FAM13A: variants seen among roughly 807,000 people sequenced by gnomAD.
FAM13A encodes the protein family with sequence similarity 13 member A.
Under a neutral mutation model 129.6 loss-of-function variants are expected in FAM13A, and 76 were observed. The ratio of observed to expected loss-of-function variants is 0.59; its 90% CI spans 0.49 to 0.71. The LOEUF (loss-of-function observed/expected upper bound fraction) is 0.71. Ranked by LOEUF, FAM13A falls within the 30% of genes least tolerant of loss-of-function variation. The pLI is 0.00. For missense variants in FAM13A, 1,108 were observed against 1,249.3 expected (o/e 0.89, Z 1.70); for synonymous variants, 443 against 449.9 (o/e 0.98, Z 0.20).
intron 6 of FAM13A, among the ~76,000 whole-genome samples, chr4:88,865,297 A>G (rs1418309177): frequency 6.6e-6 from 1 of 152,226 alleles, no homozygotes; most frequent in Non-Finnish European, 1.5e-5. Context: ...TAATTAAAGG[A>G]ATTTTAAGCA....
chr4:88,866,206 C>T (rs1221010139), intron 6 of FAM13A, among the ~76,000 whole-genome samples: 3 of 152,072 alleles, frequency 2.0e-5, no homozygotes, highest in South Asian at 4.1e-4. Flanking sequence ...GCCACCATGG[C>T]CCAGCTAATT....
intron 1 of FAM13A, among the ~76,000 whole-genome samples, chr4:89,036,462 A>G (rs1248658790): frequency 6.6e-6 from 1 of 152,216 alleles, no homozygotes; most frequent in Non-Finnish European, 1.5e-5. Flanking sequence ...ATTATCTGAA[A>G]CTTGAACTTA....
At chr4:89,028,628 T>C (rs1423842128) in intron 2 of FAM13A, among the ~76,000 whole-genome samples, 1 of 151,950 alleles carries the variant, frequency 6.6e-6, no homozygotes, top group Non-Finnish European at 1.5e-5. Context: ...AAGTATGAGA[T>C]TACAGTGAGC....
chr4:88,938,803 C>T (rs527328159), intron 4 of FAM13A, among the ~76,000 whole-genome samples: 67 of 152,154 alleles, frequency 4.4e-4, no homozygotes, highest in Middle Eastern at 3.4e-3. Context: ...TATCTGAATA[C>T]AGAATATCCC....
chr4:88,801,551 A>C (rs1287989180), intron 8 of FAM13A, among the ~76,000 whole-genome samples: 1 of 152,194 alleles, frequency 6.6e-6, no homozygotes, highest in African/African-American at 2.4e-5. Context: ...AAAGAGAGGA[A>C]GATCAGTGCA....
intron 6 of FAM13A, among the ~76,000 whole-genome samples, chr4:88,878,942 C>A (rs1451453448): frequency 5.3e-5 from 8 of 152,220 alleles, no homozygotes; most frequent in Non-Finnish European, 1.0e-4. Context: ...GGATATCCTA[C>A]TAAAGTCTAT....
At chr4:88,998,249 G>T (rs954884307) in intron 3 of FAM13A, among the ~76,000 whole-genome samples, 1 of 152,138 alleles carries the variant, frequency 6.6e-6, no homozygotes, top group Non-Finnish European at 1.5e-5. Context: ...TAAGTTCATG[G>T]TAATCTGTTA....
At chr4:88,937,309 A>C (rs1222751815) in intron 5 of FAM13A, 4 of 152,188 alleles carry the variant, frequency 2.6e-5, no homozygotes, top group Non-Finnish European at 5.9e-5. Context: ...GAATCAGCAA[A>C]GAGTATGTTA....
At chr4:88,865,828 C>A (rs147093980) in intron 6 of FAM13A, among the ~76,000 whole-genome samples, 23 of 151,744 alleles carry the variant, frequency 1.5e-4, no homozygotes, top group African/African-American at 5.3e-4. Flanking sequence ...TTTGTGCTCA[C>A]CCAAATTCTA....
chr4:88,963,123 T>C (rs1758857781), intron 4 of FAM13A, among the ~76,000 whole-genome samples: 1 of 152,128 alleles, frequency 6.6e-6, no homozygotes, highest in Admixed American at 6.5e-5. Context: ...AAACTAATGT[T>C]ACTTAAAAAA....
intron 4 of FAM13A, among the ~76,000 whole-genome samples, chr4:88,986,838 C>G (rs867233749): frequency 6.6e-6 from 1 of 152,268 alleles, no homozygotes; most frequent in African/African-American, 2.4e-5. Context: ...AAATTAAACT[C>G]AAAATATCAA....
Position 88,899,113 on chromosome 4 carries a change from C to CAT in FAM13A, c.843+7264_843+7265dup, listed in dbSNP as rs34576455. Reference sequence around the variant, plus strand: ...GTATGTATATATACACACACACATACATATATATATATACATACATACGTA... The same window carrying CAT: ...GTATGTATATATACACACACACATACATATATATATATATACATACATACGTA... On this transcript the variant is annotated intron_variant, in intron 6 of 23. Transcript: ENST00000264344. Among the ~76,000 whole-genome samples the CAT allele has an allele frequency of 4.4e-3, 667 of 150,444 alleles. 3 individuals carry two copies. The highest frequency in any genetic ancestry group is 0.015 in the African/African-American group (606 of 40,850).
intron 6 of FAM13A, among the ~76,000 whole-genome samples, chr4:88,867,141 C>A (rs1740596252): frequency 6.6e-6 from 1 of 152,178 alleles, no homozygotes; most frequent in Admixed American, 6.5e-5. Flanking sequence ...ATGATCAAGA[C>A]ATAATGTTGT....
chr4:89,011,444 T>C (rs888436444), intron 3 of FAM13A, among the ~76,000 whole-genome samples: 2 of 152,228 alleles, frequency 1.3e-5, no homozygotes, highest in Admixed American at 6.5e-5. Context: ...GACTATGACC[T>C]AGATTTCTGT....
chr4:88,818,400 A>G (rs1346503034), intron 7 of FAM13A, among the ~76,000 whole-genome samples: 3 of 152,176 alleles, frequency 2.0e-5, no homozygotes, highest in Non-Finnish European at 4.4e-5. Context: ...TCAAATTCAT[A>G]TATGGCCAGC....
rs370434001 is a variant in FAM13A at position 88,887,954 on chromosome 4, G to A, written c.843+18425C>T. 1.1e-4 allele frequency among the ~76,000 whole-genome samples: 16 copies of A among 152,212 alleles called. No homozygotes were observed. The South Asian group carries it at 2.7e-3, about 26-fold the overall frequency. On this transcript the variant is annotated intron_variant, in intron 6 of 23. Transcript: ENST00000264344. The stretch of plus-strand genomic sequence containing the variant: ...TGATTTTGTTTAGTAAATTTTGTCA[G>A]ACAGCAAGGCAATCTTTATGCAAGA...
intron 6 of FAM13A, among the ~76,000 whole-genome samples, chr4:88,853,866 T>C (rs1016257136): frequency 2.6e-5 from 4 of 152,200 alleles, no homozygotes; most frequent in African/African-American, 7.2e-5. Flanking sequence ...TGTTCAAGCC[T>C]CCATCTTTCT....
chr4:88,949,973 G>A (rs1188393266), intron 4 of FAM13A, among the ~76,000 whole-genome samples: 1 of 151,972 alleles, frequency 6.6e-6, no homozygotes, highest in Non-Finnish European at 1.5e-5. Context: ...TCAATATTTT[G>A]GATACGTTGG....
At chr4:88,965,038 TCA>T (rs2148929036) in intron 4 of FAM13A, among the ~76,000 whole-genome samples, 1 of 152,298 alleles carries the variant, frequency 6.6e-6, no homozygotes, top group South Asian at 2.1e-4. Context: ...GGGGGGAAAA[TCA>T]CACAGTACAA....
Sources: gnomAD v4.1 joint callset for allele counts (sites outside exome capture counted in the v4.1 genomes callset) on GRCh38, gnomAD v4.1.1 for gene constraint, MANE v1.5 for transcripts, NCBI Gene and HGNC (gene_info 2026-07-23, HGNC 2026-07-21) for gene names.